Variants in GPC5 observed in about 807,000 individuals in gnomAD.
GPC5 encodes glypican 5.
GPC5 carries 47 observed loss-of-function variants against 53.9 expected under a neutral mutation model. The observed-to-expected ratio is 0.87, with a 90% CI of 0.69 to 1.11. GPC5 has a LOEUF of 1.11. Ranked by LOEUF, GPC5 falls within the 50% of genes most tolerant of loss-of-function variation. The pLI is 0.00. For missense variants in GPC5, 748 were observed against 713.1 expected (o/e 1.05, Z -0.56); for synonymous variants, 286 against 263.3 (o/e 1.09, Z -0.84).
At chr13:91,685,769 A>C (rs2139764117) in intron 2 of GPC5, among the ~76,000 whole-genome samples, 1 of 152,288 alleles carries the variant, frequency 6.6e-6, no homozygotes, top group East Asian at 1.9e-4. Flanking sequence ...GAATACACTA[A>C]GAGGGAATAG....
At chr13:91,803,992 A>T (rs2038179243) in intron 5 of GPC5, among the ~76,000 whole-genome samples, 2 of 152,046 alleles carry the variant, frequency 1.3e-5, no homozygotes, top group Middle Eastern at 6.8e-3. Context: ...AAATGCAGAG[A>T]GATATGCAGA....
At chr13:92,217,602 G>T (rs934477364) in intron 7 of GPC5, among the ~76,000 whole-genome samples, 4 of 152,180 alleles carry the variant, frequency 2.6e-5, no homozygotes, top group African/African-American at 9.7e-5. Flanking sequence ...GTGGAGCCCC[G>T]TGTCTCCGCC....
intron 7 of GPC5, among the ~76,000 whole-genome samples, chr13:92,170,503 G>A (rs1159065916): frequency 1.6e-5 from 2 of 128,336 alleles, no homozygotes; most frequent in Admixed American, 1.0e-4. Flanking sequence ...TTGGCTCACT[G>A]GAACCTCCAC....
At chr13:91,980,743 T>C (rs374945676) in intron 6 of GPC5, among the ~76,000 whole-genome samples, 1 of 152,290 alleles carries the variant, frequency 6.6e-6, no homozygotes, top group African/African-American at 2.4e-5. Context: ...AGATCAAAAA[T>C]TAAACCATTA....
At chr13:91,904,140 C>CTTTTTTTTTT (rs57293387) in intron 5 of GPC5, among the ~76,000 whole-genome samples, 42 of 94,514 alleles carry the variant, frequency 4.4e-4, no homozygotes, top group East Asian at 9.8e-4. Context: ...TCTTTTCTTT[C>CTTTTTTTTTT]TTTTTTTTTT....
At chr13:91,548,912 T>A (rs964514634) in intron 2 of GPC5, among the ~76,000 whole-genome samples, 4 of 151,960 alleles carry the variant, frequency 2.6e-5, no homozygotes, top group African/African-American at 9.7e-5. Context: ...GAAAAATGAG[T>A]CTAGAAACAG....
intron 6 of GPC5, among the ~76,000 whole-genome samples, chr13:92,032,539 T>C (rs1184314463): frequency 1.3e-5 from 2 of 152,068 alleles, no homozygotes; most frequent in African/African-American, 4.8e-5. Context: ...TTCAACCAAG[T>C]GAGTGGCTTG....
intron 7 of GPC5, among the ~76,000 whole-genome samples, chr13:92,318,321 C>CT (rs533691674): frequency 9.8e-4 from 149 of 152,280 alleles, no homozygotes; most frequent in African/African-American, 3.5e-3. Context: ...TGTTGTAATA[C>CT]TGCTATCACG....
intron 7 of GPC5, among the ~76,000 whole-genome samples, chr13:92,752,805 G>A (rs535777427): frequency 2.4e-4 from 37 of 152,278 alleles, no homozygotes; most frequent in African/African-American, 8.2e-4. Context: ...AGCGCACCAC[G>A]AGATTATATC....
chr13:91,598,427 G>A (rs1180483239), intron 2 of GPC5, among the ~76,000 whole-genome samples: 2 of 152,004 alleles, frequency 1.3e-5, no homozygotes, highest in Non-Finnish European at 2.9e-5. Flanking sequence ...TTCACAGGGA[G>A]TGCAGAAAAT....
Position 92,637,812 on chromosome 13 carries a change from C to T in GPC5, c.1562-228470C>T, listed in dbSNP as rs370321744. 6.6e-5 allele frequency among the ~76,000 whole-genome samples: 10 copies of T among 151,996 alleles called. No homozygotes were observed. The East Asian group carries it at 1.7e-3, about 26-fold the overall frequency. ...CAAGAGAAACAGACTCACAATGACACGTTGCTAAAATTAGTAGATAATGAC... is the reference window on the plus strand; with the variant it reads ...CAAGAGAAACAGACTCACAATGACATGTTGCTAAAATTAGTAGATAATGAC... On this transcript the variant is annotated intron_variant, in intron 7 of 7. Coordinates refer to ENST00000377067, the MANE Select transcript of GPC5 (RefSeq NM_004466.6).
intron 7 of GPC5, among the ~76,000 whole-genome samples, chr13:92,321,903 CAGAA>C: frequency 6.6e-6 from 1 of 151,928 alleles, no homozygotes; most frequent in East Asian, 1.9e-4. Context: ...TATCAACAAT[CAGAA>C]ATAAATATAA....
intron 7 of GPC5, among the ~76,000 whole-genome samples, chr13:92,586,960 A>ACG (rs1223242458): frequency 1.2e-4 from 13 of 110,160 alleles, no homozygotes; most frequent in African/African-American, 4.3e-4. Context: ...ACACACACAC[A>ACG]CACGCGCACA....
At chr13:91,760,751 A>G (rs2037393263) in intron 5 of GPC5, among the ~76,000 whole-genome samples, 1 of 152,186 alleles carries the variant, frequency 6.6e-6, no homozygotes, top group Non-Finnish European at 1.5e-5. Context: ...GTCCTGTAAA[A>G]CTGTGTGAAA....
intron 6 of GPC5, among the ~76,000 whole-genome samples, chr13:92,133,377 C>A (rs1431019708): frequency 6.6e-6 from 1 of 152,122 alleles, no homozygotes; most frequent in Non-Finnish European, 1.5e-5. Context: ...GGAAGGAAAC[C>A]TTTAATAGAC....
intron 7 of GPC5, among the ~76,000 whole-genome samples, chr13:92,214,538 A>G (rs2042396755): frequency 6.6e-6 from 1 of 152,146 alleles, no homozygotes; most frequent in Non-Finnish European, 1.5e-5. Flanking sequence ...GCTTTAGTCC[A>G]TGATGTCAAC....
intron 1 of GPC5, among the ~76,000 whole-genome samples, chr13:91,417,829 G>C (rs1407721978): frequency 1.3e-5 from 2 of 152,074 alleles, no homozygotes; most frequent in Admixed American, 6.5e-5. Flanking sequence ...GAAACTCCTG[G>C]CTTTATTTAT....
At chr13:92,353,465 A>G (rs1169052846) in intron 7 of GPC5, among the ~76,000 whole-genome samples, 1 of 152,144 alleles carries the variant, frequency 6.6e-6, no homozygotes, top group Non-Finnish European at 1.5e-5. Flanking sequence ...ATACCTGACT[A>G]TAAAGAAAGT....
Position 91,693,446 on chromosome 13 carries a change from G to T in GPC5, c.585G>T (p.Arg195=), listed in dbSNP as rs748810958. 7.4e-6 allele frequency: 12 copies of T among 1,614,086 alleles called. No homozygotes were observed. Among genetic ancestry groups the T allele is most frequent in the Non-Finnish European group, 1.0e-5 (12 of 1,180,024 alleles). Residue 195 remains arginine (R), a synonymous_variant, in exon 3 of 8, where the codon CGG becomes CGT. Coordinates refer to ENST00000377067, the MANE Select transcript of GPC5 (RefSeq NM_004466.6). ...DSSLEYSECI[R]MARRDVSPFG... ...CCCTGGAATACTCAGAATGCATCCG[G>T]ATGGCTCGCCGGGATGTGAGTCCAT...
Sources: gnomAD v4.1 joint callset for allele counts (sites outside exome capture counted in the v4.1 genomes callset) on GRCh38, gnomAD v4.1.1 for gene constraint, MANE v1.5 for transcripts, NCBI Gene and HGNC (gene_info 2026-07-23, HGNC 2026-07-21) for gene names.